Variants in DCC observed in about 807,000 individuals in gnomAD.
DCC encodes netrin receptor DCC.
DCC carries 58 observed loss-of-function variants against 172.5 expected under a neutral mutation model. That is an observed-to-expected ratio of 0.34 (90% confidence interval 0.27 to 0.42). The LOEUF (loss-of-function observed/expected upper bound fraction) is 0.42. Among genes scored for constraint, DCC ranks in the 10% least tolerant of loss-of-function variants. The pLI is 1.00. For synonymous variants in DCC, 709 were observed against 644.5 expected, an observed-to-expected ratio of 1.10 and a Z score of -1.52; for missense variants, 1,740 against 1,791.0, an observed-to-expected ratio of 0.97 and a Z score of 0.51.
At chr18:53,154,100 A>C (rs2054689476) in intron 7 of DCC, among the ~76,000 whole-genome samples, 1 of 152,168 alleles carries the variant, frequency 6.6e-6, no homozygotes, top group Non-Finnish European at 1.5e-5. Context: ...AATCCCCTGG[A>C]ATCACCCTCA....
intron 3 of DCC, among the ~76,000 whole-genome samples, chr18:52,911,880 C>T (rs748960245): frequency 6.6e-6 from 1 of 151,842 alleles, no homozygotes; most frequent in African/African-American, 2.4e-5. Context: ...TTCTTGTGCT[C>T]CTCTCATATA....
At chr18:53,408,653 G>A (rs774666311) in intron 19 of DCC, among the ~76,000 whole-genome samples, 2 of 152,136 alleles carry the variant, frequency 1.3e-5, no homozygotes, top group Non-Finnish European at 2.9e-5. Flanking sequence ...AGAGGATGAG[G>A]ATAATTGGTG....
chr18:53,510,176 G>T (rs1464392259), intron 27 of DCC, among the ~76,000 whole-genome samples: 1 of 152,046 alleles, frequency 6.6e-6, no homozygotes, highest in African/African-American at 2.4e-5. Flanking sequence ...CCCCTCAAAT[G>T]GTACACTGAA....
chr18:52,747,069 A>G (rs892366342), intron 1 of DCC, among the ~76,000 whole-genome samples: 2 of 143,326 alleles, frequency 1.4e-5, no homozygotes, highest in South Asian at 2.4e-4. Context: ...AGTTAAATAC[A>G]TATATGGCTT....
rs567674350 is a variant in DCC at position 53,154,560 on chromosome 18, GT to G, written c.1262-2793del. Reference sequence around the variant, plus strand: ...CAGAGAATATATTTGAGGAAGGTGAGTTTAAGGAAGGCAGAGGAGCTGGGGG... The same window carrying G: ...CAGAGAATATATTTGAGGAAGGTGAGTTAAGGAAGGCAGAGGAGCTGGGGG... On this transcript the variant is annotated intron_variant, in intron 7 of 28. Coordinates refer to ENST00000442544, the MANE Select transcript of DCC (RefSeq NM_005215.4). Among the ~76,000 whole-genome samples the G allele has an allele frequency of 2.6e-3, 402 of 152,316 alleles. 4 individuals carry two copies. Among genetic ancestry groups the G allele is most frequent in the Non-Finnish European group, 4.5e-3 (308 of 68,036 alleles).
intron 3 of DCC, among the ~76,000 whole-genome samples, chr18:52,916,950 G>T (rs572389915): frequency 6.6e-6 from 1 of 151,904 alleles, no homozygotes; most frequent in Admixed American, 6.6e-5. Flanking sequence ...GCCGACATAG[G>T]TGTTTTTTTA....
chr18:53,205,815 T>A (rs1165490154), intron 10 of DCC, among the ~76,000 whole-genome samples: 1 of 152,134 alleles, frequency 6.6e-6, no homozygotes, highest in African/African-American at 2.4e-5. Context: ...TACCATTTTT[T>A]AATGTTTTCA....
At chr18:52,735,114 A>G (rs756310020) in intron 1 of DCC, among the ~76,000 whole-genome samples, 122 of 152,090 alleles carry the variant, frequency 8.0e-4, no homozygotes, top group Non-Finnish European at 1.5e-3. Context: ...CTAATTTTGT[A>G]TCCTTCTCCA....
At position 53,516,082 on chromosome 18, in the gene DCC, G is replaced by C. The variant is rs970899702; in HGVS notation, c.4112-10535G>C. 3.4e-5 allele frequency among the ~76,000 whole-genome samples: 5 copies of C among 146,190 alleles called. 1 individual carries two copies. Among genetic ancestry groups the C allele is most frequent in the African/African-American group, 1.4e-4 (5 of 35,970 alleles). On this transcript the variant is annotated intron_variant, in intron 27 of 28. Transcript: ENST00000442544. ...AGGCTACAGTAACCAAAACAGGATG[G>C]TACTGGTACCAAAACAGAGATATAG... is the stretch of plus-strand genomic sequence containing the variant.
intron 1 of DCC, among the ~76,000 whole-genome samples, chr18:52,702,287 C>T (rs1454284090): frequency 6.6e-6 from 1 of 152,152 alleles, no homozygotes; most frequent in Non-Finnish European, 1.5e-5. Context: ...GTCCACCAAC[C>T]TCCTTGTCCC....
chr18:52,741,463 T>C (rs554158937), intron 1 of DCC, among the ~76,000 whole-genome samples: 1 of 152,282 alleles, frequency 6.6e-6, no homozygotes, highest in South Asian at 2.1e-4. Flanking sequence ...CTGTGCATTG[T>C]AGGATGTGCT....
chr18:52,349,901 A>ACTCT, intron 1 of DCC, among the ~76,000 whole-genome samples: 1 of 152,154 alleles, frequency 6.6e-6, no homozygotes, highest in African/African-American at 2.4e-5. Context: ...CTTGTAATCA[A>ACTCT]GGGGCCTAAC....
At chr18:53,173,056 T>C (rs1378238192) in intron 8 of DCC, among the ~76,000 whole-genome samples, 1 of 152,120 alleles carries the variant, frequency 6.6e-6, no homozygotes, top group Non-Finnish European at 1.5e-5. Flanking sequence ...AATCCCCATC[T>C]CCATGTGCTC....
intron 7 of DCC, among the ~76,000 whole-genome samples, chr18:53,076,524 A>G (rs1049960685): frequency 6.6e-6 from 1 of 152,184 alleles, no homozygotes; most frequent in African/African-American, 2.4e-5. Flanking sequence ...GATATGTGAT[A>G]GGATTAGTAG....
intron 2 of DCC, among the ~76,000 whole-genome samples, chr18:52,794,159 GT>G (rs539670977): frequency 1.2e-3 from 187 of 151,530 alleles, no homozygotes; most frequent in Non-Finnish European, 2.2e-3. Flanking sequence ...ATAAATTTTA[GT>G]TTTTTTTTAT....
chr18:53,322,131 C>A lies in DCC; in HGVS notation c.2138C>A (p.Ala713Glu). 6.4e-7 allele frequency: 1 copy of A among 1,563,536 alleles called. No individual in the cohort carries two copies. Among genetic ancestry groups the A allele is most frequent in the South Asian group, 1.1e-5 (1 of 90,060 alleles). ...GTGPPSNWYT[A>E]ETPENDLDES... is the part of the protein sequence containing the mutation. ...GGACCACCTTCCAACTGGTATACTG[C>A]AGAGACTCCAGAGAATGATCTAGAT... Residue 713 changes from alanine (A) to glutamate (E), a missense_variant, in exon 14 of 29, where the codon GCA (alanine) becomes GAA (glutamate). Coordinates refer to ENST00000442544, the MANE Select transcript of DCC (RefSeq NM_005215.4).
At chr18:53,101,827 ATTTG>A (rs1243417699) in intron 7 of DCC, among the ~76,000 whole-genome samples, 5 of 136,212 alleles carry the variant, frequency 3.7e-5, no homozygotes, top group African/African-American at 1.5e-4. Flanking sequence ...GTGTGTGTGT[ATTTG>A]TGTGTGTGTG....
chr18:52,825,557 T>C (rs2038495329), intron 2 of DCC, among the ~76,000 whole-genome samples: 1 of 152,184 alleles, frequency 6.6e-6, no homozygotes, highest in South Asian at 2.1e-4. Context: ...ATTTTTTGTC[T>C]AAATCAGTGA....
At chr18:52,522,103 A>T (rs2031837891) in intron 1 of DCC, among the ~76,000 whole-genome samples, 1 of 152,192 alleles carries the variant, frequency 6.6e-6, no homozygotes, top group African/African-American at 2.4e-5. Flanking sequence ...ATTACTAAAT[A>T]ATCATAAGGC....
Sources: gnomAD v4.1 joint callset for allele counts (sites outside exome capture counted in the v4.1 genomes callset) on GRCh38, gnomAD v4.1.1 for gene constraint, MANE v1.5 for transcripts, NCBI Gene and HGNC (gene_info 2026-07-23, HGNC 2026-07-21) for gene names.